Variants in SCAI observed in about 807,000 individuals in gnomAD.
The protein encoded by SCAI is protein SCAI.
SCAI carries 24 observed loss-of-function variants against 92.2 expected under a neutral mutation model. That is an observed-to-expected ratio of 0.26 (90% CI 0.19 to 0.37). The LOEUF (loss-of-function observed/expected upper bound fraction) is 0.37, where lower values mean the gene tolerates loss of function less well. Ranked by LOEUF, SCAI falls within the 10% of genes least tolerant of loss-of-function variation. The probability of loss-of-function intolerance (pLI) is 1.00; values close to 1 mark genes in which losing one functional copy is unlikely to be tolerated. For missense variants in SCAI, 450 were observed against 736.2 expected (o/e 0.61, Z 4.50); for synonymous variants, 261 against 258.6 (o/e 1.01, Z -0.09).
At chr9:125,005,016 G>A (rs12555341) in intron 9 of SCAI, among the ~76,000 whole-genome samples, 2 of 151,110 alleles carry the variant, frequency 1.3e-5, no homozygotes, top group Non-Finnish European at 2.9e-5. Flanking sequence ...TTGAACTCCC[G>A]ACCTCAGATG....
In SCAI at chr9:125,070,774, T is replaced by C. The variant is rs565163128; in HGVS notation, c.99-14767A>G. 9.2e-5 allele frequency among the ~76,000 whole-genome samples: 14 copies of C among 152,276 alleles called. 1 individual carries two copies. In the South Asian group the frequency reaches 2.9e-3, roughly 32 times the overall value. On this transcript the variant is annotated intron_variant, in intron 2 of 17. Coordinates refer to ENST00000336505, the MANE Select transcript of SCAI (RefSeq NM_001144877.3). ...GGCCAGGCATGGTGGCTCACACCTGTAATCTCATGCCTGTAATCCCAAGGT... is the reference window on the plus strand; with the variant it reads ...GGCCAGGCATGGTGGCTCACACCTGCAATCTCATGCCTGTAATCCCAAGGT...
chr9:125,026,515 C>T (rs1832968349), intron 6 of SCAI, among the ~76,000 whole-genome samples: 1 of 152,120 alleles, frequency 6.6e-6, no homozygotes, highest in Non-Finnish European at 1.5e-5. Flanking sequence ...ATGTTATTAG[C>T]TAAGCCTTGT....
At position 124,976,136 on chromosome 9, in the gene SCAI, T is replaced by C. The variant is rs1051012981; in HGVS notation, c.1377A>G (p.Thr459=). Residue 459 remains threonine (T), a synonymous_variant, in exon 15 of 18, where the codon ACA becomes ACG. Transcript: ENST00000336505. ...GQPLVCLLSP[T]AYPKALQDQS... ...TACCTTGTAAAGCTTTTGGATATGC[T>C]GTAGGAGAAAGCAAGCAGACTAGTG... is the stretch of plus-strand genomic sequence containing the variant. 1 of 1,612,490 alleles carries C rather than the reference T, an allele frequency of 6.2e-7. No homozygotes were observed. Among genetic ancestry groups the C allele is most frequent in the Non-Finnish European group, 8.5e-7 (1 of 1,178,498 alleles).
intron 2 of SCAI, among the ~76,000 whole-genome samples, chr9:125,100,261 G>A (rs1229931348): frequency 6.6e-6 from 1 of 152,154 alleles, no homozygotes; most frequent in East Asian, 1.9e-4. Context: ...TTTTCACATT[G>A]GAAGGGAAGA....
intron 2 of SCAI, among the ~76,000 whole-genome samples, chr9:125,071,809 T>C (rs1833984221): frequency 6.6e-6 from 1 of 152,206 alleles, no homozygotes; most frequent in Admixed American, 6.5e-5. Flanking sequence ...AGAGTAAATG[T>C]TGGCTCCGCT....
chr9:125,094,019 C>G (rs1379922451), intron 2 of SCAI, among the ~76,000 whole-genome samples: 1 of 152,024 alleles, frequency 6.6e-6, no homozygotes, highest in African/African-American at 2.4e-5. Flanking sequence ...CCCCAAAAAC[C>G]TACTCTATTC....
intron 2 of SCAI, among the ~76,000 whole-genome samples, chr9:125,094,804 AATTT>A (rs1356383401): frequency 6.6e-6 from 1 of 152,070 alleles, no homozygotes; most frequent in East Asian, 1.9e-4. Flanking sequence ...GCCCAGCCAA[AATTT>A]ATTTATTATC....
At chr9:125,028,850 T>C (rs146498030) in intron 4 of SCAI, among the ~76,000 whole-genome samples, 19 of 152,086 alleles carry the variant, frequency 1.2e-4, no homozygotes, top group Non-Finnish European at 1.5e-4. Context: ...CAGGCTGGAG[T>C]ACAGTGGCAT....
At chr9:125,002,546 G>A (rs571572476) in intron 11 of SCAI, among the ~76,000 whole-genome samples, 47 of 146,788 alleles carry the variant, frequency 3.2e-4, no homozygotes, top group Non-Finnish European at 4.4e-4. Context: ...GCAATGGCGC[G>A]ATCTCGGCTC....
chr9:125,042,652 C>CGTGTGTGTGTGT, intron 3 of SCAI, among the ~76,000 whole-genome samples: 1 of 140,314 alleles, frequency 7.1e-6, no homozygotes, highest in African/African-American at 2.5e-5. Context: ...CACACACACA[C>CGTGTGTGTGTGT]ACACACACAC....
At chr9:125,083,503 G>C (rs371558014) in intron 2 of SCAI, among the ~76,000 whole-genome samples, 1 of 141,254 alleles carries the variant, frequency 7.1e-6, no homozygotes, top group Non-Finnish European at 1.5e-5. Flanking sequence ...ATGCGACACA[G>C]TGAGACTCCA....
intron 2 of SCAI, among the ~76,000 whole-genome samples, chr9:125,107,765 C>T (rs1313847245): frequency 6.6e-6 from 1 of 152,170 alleles, no homozygotes; most frequent in Admixed American, 6.5e-5. Flanking sequence ...AAGACCCCAT[C>T]TCTAAAAATA....
intron 2 of SCAI, among the ~76,000 whole-genome samples, chr9:125,120,156 C>A (rs1248948077): frequency 6.6e-6 from 1 of 152,046 alleles, no homozygotes; most frequent in African/African-American, 2.4e-5. Flanking sequence ...GTAAAATGAA[C>A]GATACTGCTG....
chr9:124,959,084 T>C (rs1294199450), intron 17 of SCAI, among the ~76,000 whole-genome samples: 4 of 151,784 alleles, frequency 2.6e-5, no homozygotes, highest in Non-Finnish European at 1.5e-5. Flanking sequence ...TTAAGAATTT[T>C]GTTCCCCTTC....
chr9:125,050,254 C>T (rs1833533959), intron 3 of SCAI, among the ~76,000 whole-genome samples: 2 of 152,144 alleles, frequency 1.3e-5, no homozygotes, highest in African/African-American at 4.8e-5. Flanking sequence ...TAGACCTACT[C>T]AGACCAATTT....
intron 17 of SCAI, among the ~76,000 whole-genome samples, chr9:124,958,562 A>C (rs1456265705): frequency 6.6e-6 from 1 of 152,198 alleles, no homozygotes; most frequent in Non-Finnish European, 1.5e-5. Flanking sequence ...ATTAACTCAA[A>C]ATAAACCATA....
chr9:125,077,796 A>G (rs1588202684), intron 2 of SCAI, among the ~76,000 whole-genome samples: 1 of 152,010 alleles, frequency 6.6e-6, no homozygotes, highest in African/African-American at 2.4e-5. Flanking sequence ...TTGGCTCACT[A>G]CAACCTCTGC....
In SCAI at chr9:124,951,024, C is replaced by T. The variant is rs1196212565; in HGVS notation, c.*1783G>A. On this transcript the variant is annotated 3_prime_UTR_variant, in exon 18 of 18. Coordinates refer to ENST00000336505, the MANE Select transcript of SCAI (RefSeq NM_001144877.3). ...AGTGAGCCATGAATGTACCGCTGCA[C>T]CCCAACCTGGGCAACAAAGCAAGAC... 1.3e-5 allele frequency: 2 copies of T among 149,510 alleles called. No homozygotes were observed. The highest frequency in any genetic ancestry group is 3.0e-5 in the Non-Finnish European group (2 of 67,748). 9.3% of individuals were successfully genotyped at this position (149,510 alleles called of 1,614,324 possible). A position where few individuals can be genotyped will look rare whatever the true frequency, so the allele number is the denominator to read the frequency against.
At chr9:125,083,694 T>C (rs187525401) in intron 2 of SCAI, among the ~76,000 whole-genome samples, 1 of 152,264 alleles carries the variant, frequency 6.6e-6, no homozygotes, top group East Asian at 1.9e-4. Flanking sequence ...ACATGGTTAG[T>C]TCAATCATTC....
Sources: gnomAD v4.1 joint callset for allele counts (sites outside exome capture counted in the v4.1 genomes callset) on GRCh38, gnomAD v4.1.1 for gene constraint, MANE v1.5 for transcripts, NCBI Gene and HGNC (gene_info 2026-07-23, HGNC 2026-07-21) for gene names.